Variants in APLF observed in about 807,000 individuals in gnomAD.
APLF encodes the protein aprataxin and PNKP like factor.
Under a neutral mutation model 55.6 loss-of-function variants are expected in APLF, and 61 were observed. The observed-to-expected ratio is 1.10, with a 90% CI of 0.89 to 1.36. The LOEUF is 1.36. APLF is among the 40% of genes most tolerant of loss of function. The pLI, the probability that APLF is intolerant of heterozygous loss-of-function variation, is 0.00. For synonymous variants in APLF, 207 were observed against 214.8 expected (o/e 0.96, Z 0.32); for missense variants, 611 against 602.5 (o/e 1.01, Z -0.15).
rs1310296835 is a variant in APLF at position 68,563,203 on chromosome 2, G to A, written c.1287-4138G>A. 3 of 985,112 alleles carry A rather than the reference G, an allele frequency of 3.0e-6. No homozygotes were observed. In the East Asian group the frequency reaches 3.4e-4, roughly 112 times the overall value. 61.0% of individuals were successfully genotyped at this position (985,112 alleles called of 1,614,324 possible). On this transcript the variant is annotated intron_variant, in intron 8 of 9. Transcript: ENST00000303795. Reference sequence around the variant, plus strand: ...ATGAAAAGAGCACGTTCTAGGAAAGGATGGAAGATTCTCAAAGAAACAACT... The same window carrying A: ...ATGAAAAGAGCACGTTCTAGGAAAGAATGGAAGATTCTCAAAGAAACAACT...
chr2:68,579,253 G>C lies in APLF; in HGVS notation c.*1231G>C, dbSNP rs1360202834. 1.2e-6 allele frequency: 1 copy of C among 824,152 alleles called. No individual in the cohort carries two copies. The highest frequency in any genetic ancestry group is 1.5e-6 in the Non-Finnish European group (1 of 683,468). 51.1% of individuals were successfully genotyped at this position (824,152 alleles called of 1,614,324 possible). On this transcript the variant is annotated 3_prime_UTR_variant, in exon 10 of 10. Coordinates refer to ENST00000303795, the MANE Select transcript of APLF (RefSeq NM_173545.3). ...TTTACTTAAACTGGAACAAGAATAA[G>C]ATAAACATTTCTCTAGACTATAACC...
chr2:68,489,036 T>C (rs1676275185), intron 1 of APLF, among the ~76,000 whole-genome samples: 1 of 151,736 alleles, frequency 6.6e-6, no homozygotes, highest in African/African-American at 2.4e-5. Context: ...CCTCTTTTTT[T>C]CTGAAACAAT....
intron 6 of APLF, chr2:68,535,448 G>T (rs1363725194): frequency 2.8e-5 from 6 of 211,018 alleles, no homozygotes; most frequent in African/African-American, 1.2e-4. Flanking sequence ...AGATATATAA[G>T]GAATTTTTTT....
intron 8 of APLF, among the ~76,000 whole-genome samples, chr2:68,559,110 G>C (rs758424832): frequency 6.6e-6 from 1 of 152,152 alleles, no homozygotes; most frequent in Non-Finnish European, 1.5e-5. Context: ...TCTGTAGCAT[G>C]ACTTTGCATC....
At chr2:68,536,983 A>G (rs1307991684) in intron 6 of APLF, among the ~76,000 whole-genome samples, 1 of 151,944 alleles carries the variant, frequency 6.6e-6, no homozygotes, top group Admixed American at 6.6e-5. Flanking sequence ...CTTGGCCAAC[A>G]GTGAAACCCC....
At chr2:68,569,056 G>A (rs1671384218) in intron 9 of APLF, among the ~76,000 whole-genome samples, 1 of 151,990 alleles carries the variant, frequency 6.6e-6, no homozygotes, top group African/African-American at 2.4e-5. Context: ...TAACATACTT[G>A]TTTTTCTTGT....
chr2:68,520,214 A>G (rs1185717234), intron 5 of APLF, among the ~76,000 whole-genome samples: 1 of 151,942 alleles, frequency 6.6e-6, no homozygotes, highest in Non-Finnish European at 1.5e-5. Context: ...TCTGGATATT[A>G]GTCCTTTGTC....
At chr2:68,510,192 A>G (rs1677003477) in intron 3 of APLF, among the ~76,000 whole-genome samples, 1 of 151,982 alleles carries the variant, frequency 6.6e-6, no homozygotes, top group South Asian at 2.1e-4. Flanking sequence ...TGTTGCGCAC[A>G]TGTACCCTAG....
intron 2 of APLF, 35 bp downstream of exon 2, chr2:68,490,296 A>T (rs757358865): frequency 2.5e-6 from 4 of 1,576,802 alleles, no homozygotes; most frequent in Non-Finnish European, 3.5e-6. Context: ...TTTAACTTTC[A>T]TCTCTTACCC....
intron 5 of APLF, among the ~76,000 whole-genome samples, chr2:68,519,678 GTA>G (rs112217560): frequency 9.3e-4 from 138 of 148,154 alleles, no homozygotes; most frequent in African/African-American, 2.6e-3. Context: ...ATAAATATAT[GTA>G]TATATATATA....
intron 1 of APLF, among the ~76,000 whole-genome samples, chr2:68,470,561 T>C (rs941786892): frequency 6.6e-6 from 1 of 152,130 alleles, no homozygotes; most frequent in Non-Finnish European, 1.5e-5. Flanking sequence ...TTTAAAAGGG[T>C]TTTACAGTAC....
intron 5 of APLF, among the ~76,000 whole-genome samples, chr2:68,517,431 A>C (rs968225723): frequency 2.3e-5 from 3 of 132,190 alleles, no homozygotes; most frequent in Admixed American, 7.9e-5. Context: ...ATATATTAAT[A>C]TATCTATATA....
Position 68,528,345 on chromosome 2 carries a change from G to A in APLF, c.804+2103G>A, listed in dbSNP as rs186433399. 654 of 1,514,350 alleles carry A rather than the reference G, an allele frequency of 4.3e-4. 1 individual carries two copies. In the African/African-American group the frequency reaches 7.7e-3, roughly 18 times the overall value. The allele number at this position is 1,514,350 out of a possible 1,614,324, so 93.8% of individuals were successfully genotyped here. Reference sequence around the variant, plus strand: ...TTACGCATGTTGCCCTGCTGGAGGCGTCCTTCTCTTTGGGAAGCCTGACCC... The same window carrying A: ...TTACGCATGTTGCCCTGCTGGAGGCATCCTTCTCTTTGGGAAGCCTGACCC... On this transcript the variant is annotated intron_variant, in intron 6 of 9. Transcript: ENST00000303795.
intron 1 of APLF, among the ~76,000 whole-genome samples, chr2:68,470,325 C>T (rs1188706766): frequency 1.3e-5 from 2 of 152,084 alleles, no homozygotes; most frequent in East Asian, 1.9e-4. Flanking sequence ...GGCAGCAGGG[C>T]AGAAGGGAAT....
rs563690755 is a variant in APLF, at chr2:68,472,933, G to A, written c.96+5106G>A. ...TACAGAGAGTTCCCATATACTCTCT[G>A]CCCTCTTACATGTACAGCTTCCCCG... On this transcript the variant is annotated intron_variant, in intron 1 of 9. Coordinates refer to ENST00000303795, the MANE Select transcript of APLF (RefSeq NM_173545.3). Among the ~76,000 whole-genome samples, 3 of 152,196 alleles carry A rather than the reference G, an allele frequency of 2.0e-5. No homozygotes were observed. In the East Asian group the frequency reaches 5.8e-4, roughly 29 times the overall value.
At position 68,529,025 on chromosome 2, in the gene APLF, G is replaced by T; in HGVS notation, c.804+2783G>T. 1 of 1,495,472 alleles carries T rather than the reference G, an allele frequency of 6.7e-7. No homozygotes were observed. Among genetic ancestry groups the T allele is most frequent in the Non-Finnish European group, 9.0e-7 (1 of 1,109,892 alleles). 92.6% of individuals were successfully genotyped at this position (1,495,472 alleles called of 1,614,324 possible). A position where few individuals can be genotyped will look rare whatever the true frequency, so the allele number is the denominator to read the frequency against. ...CTCTTCTGCCCTCACCTCCATTTTC[G>T]GGAGCCTGGCTGGGATCACCTGCTC... On this transcript the variant is annotated intron_variant, in intron 6 of 9. Transcript: ENST00000303795. This position sits in a 1 kb window ranked among gnomAD's most constrained non-coding sequence, Gnocchi z 4.4.
rs764944801 is a variant in APLF, at chr2:68,513,635, G to C, written c.577G>C (p.Glu193Gln). Residue 193 changes from glutamate (E) to glutamine (Q), a missense_variant, in exon 5 of 10, where the codon GAA becomes CAA. By Grantham distance (29) the Glu-to-Gln change is conservative. Coordinates refer to ENST00000303795, the MANE Select transcript of APLF (RefSeq NM_173545.3). Reference sequence around the variant, plus strand: ...AATCCTTCCAACTTGGATGTTAGCAGAACATTTAAGTGATCAAAACCTTTC... The same window carrying C: ...AATCCTTCCAACTTGGATGTTAGCACAACATTTAAGTGATCAAAACCTTTC... Reference protein sequence around the residue: ...KRILPTWMLAEHLSDQNLSVP... With the variant: ...KRILPTWMLAQHLSDQNLSVP... The C allele has an allele frequency of 2.0e-5, 33 of 1,611,286 alleles. No homozygotes were observed. In the East Asian group the frequency reaches 5.1e-4, roughly 25 times the overall value.
At chr2:68,565,896 C>T (rs79035803) in intron 8 of APLF, among the ~76,000 whole-genome samples, 2,739 of 152,122 alleles carry the variant, frequency 0.018, 34 homozygotes, top group Non-Finnish European at 0.03. Context: ...TTTGCCTGGA[C>T]GTCTTTCTTA....
At chr2:68,536,780 T>C (rs1670401793) in intron 6 of APLF, among the ~76,000 whole-genome samples, 1 of 152,120 alleles carries the variant, frequency 6.6e-6, no homozygotes, top group African/African-American at 2.4e-5. Context: ...TATGCAAAAT[T>C]TTCCGTGAGG....
Sources: allele counts gnomAD v4.1 joint callset (sites outside exome capture counted in the v4.1 genomes callset), GRCh38; gene constraint gnomAD v4.1.1; non-coding constraint Gnocchi (gnomAD v3.1); transcripts MANE v1.5; gene names NCBI Gene and HGNC (gene_info 2026-07-23, HGNC 2026-07-21).